Variants in LNX1 observed in about 807,000 individuals in gnomAD.
The protein encoded by LNX1 is E3 ubiquitin-protein ligase LNX.
A neutral mutation model predicts 68.4 loss-of-function variants in LNX1; 54 were observed. That is an observed-to-expected ratio of 0.79 (90% CI 0.63 to 0.99). The LOEUF (loss-of-function observed/expected upper bound fraction) is 0.99, where lower values mean the gene tolerates loss of function less well. LNX1 is among the 50% of genes least tolerant of loss of function. LNX1 has a pLI of 0.00. For synonymous variants in LNX1, 336 were observed against 350.0 expected (o/e 0.96, Z 0.45); for missense variants, 906 against 926.4 (o/e 0.98, Z 0.29).
At chr4:53,620,257 TG>T (rs1308376035), upstream of LNX1, among the ~76,000 whole-genome samples, 26 of 152,208 alleles carry the variant, frequency 1.7e-4, no homozygotes, top group African/African-American at 6.0e-4. Flanking sequence ...TTTGCATTTC[TG>T]ATATGTTCAC....
intron 1 of LNX1, among the ~76,000 whole-genome samples, chr4:53,628,524 C>T (rs1266225756): frequency 6.6e-6 from 1 of 152,098 alleles, no homozygotes; most frequent in African/African-American, 2.4e-5. Flanking sequence ...AAGGGGAATG[C>T]TGGCTGGAAT....
intron 1 of LNX1, among the ~76,000 whole-genome samples, chr4:53,638,642 C>T (rs376695899): frequency 9.9e-5 from 15 of 152,216 alleles, no homozygotes; most frequent in Admixed American, 4.6e-4. Context: ...AAAATGGCCC[C>T]GAAGCATAAT....
intron 2 of LNX1, among the ~76,000 whole-genome samples, chr4:53,559,774 A>G (rs1288761303): frequency 6.6e-6 from 1 of 151,708 alleles, no homozygotes; most frequent in Non-Finnish European, 1.5e-5. Flanking sequence ...CAGCCTCCCA[A>G]GTAGCTGGGA....
At chr4:53,479,408 T>C (rs1316055203) in intron 7 of LNX1, among the ~76,000 whole-genome samples, 1 of 152,222 alleles carries the variant, frequency 6.6e-6, no homozygotes, top group Non-Finnish European at 1.5e-5. Context: ...GAGCAAGAGA[T>C]GTTTAGTTGT....
chr4:53,515,516 C>G (rs916184250), intron 2 of LNX1, among the ~76,000 whole-genome samples: 54 of 137,330 alleles, frequency 3.9e-4, no homozygotes, highest in African/African-American at 1.4e-3. Flanking sequence ...GGCCCCCACC[C>G]CACCAAAAAA....
intron 7 of LNX1, among the ~76,000 whole-genome samples, chr4:53,479,999 A>G (rs1723812514): frequency 6.6e-6 from 1 of 152,330 alleles, no homozygotes; most frequent in East Asian, 1.9e-4. Flanking sequence ...GATGCCTAGC[A>G]TTCCTTAACT....
chr4:53,518,609 G>A (rs1726968170), intron 2 of LNX1, among the ~76,000 whole-genome samples: 1 of 152,122 alleles, frequency 6.6e-6, no homozygotes, highest in South Asian at 2.1e-4. Flanking sequence ...CCTATGAGGA[G>A]GGTCCTATTA....
At chr4:53,471,574 A>C (rs559411305) in intron 9 of LNX1, among the ~76,000 whole-genome samples, 4 of 152,278 alleles carry the variant, frequency 2.6e-5, no homozygotes, top group Admixed American at 1.3e-4. Context: ...ATGGGAGAAC[A>C]TTTTTGCAAT....
At chr4:53,483,155 T>C (rs935585482) in intron 6 of LNX1, among the ~76,000 whole-genome samples, 3 of 152,278 alleles carry the variant, frequency 2.0e-5, no homozygotes, top group African/African-American at 4.8e-5. Context: ...GTTCTCGAGA[T>C]AGTAAGTCTC....
At chr4:53,493,505 A>C (rs1724845082) in intron 6 of LNX1, among the ~76,000 whole-genome samples, 1 of 152,210 alleles carries the variant, frequency 6.6e-6, no homozygotes, top group African/African-American at 2.4e-5. Context: ...CTACAATGAC[A>C]GTAATACCAT....
At chr4:53,571,710 T>G (rs138909330) in intron 2 of LNX1, among the ~76,000 whole-genome samples, 1 of 152,248 alleles carries the variant, frequency 6.6e-6, no homozygotes, top group African/African-American at 2.4e-5. Context: ...TCACTTAGGC[T>G]GGAGTGCAGT....
intron 2 of LNX1, among the ~76,000 whole-genome samples, chr4:53,556,855 C>T (rs1729948277): frequency 6.6e-6 from 1 of 152,332 alleles, no homozygotes; most frequent in Non-Finnish European, 1.5e-5. Context: ...GTAGCACTAT[C>T]TAATGTGACC....
intron 2 of LNX1, among the ~76,000 whole-genome samples, chr4:53,600,882 C>A (rs1360502913): frequency 6.7e-6 from 1 of 150,304 alleles, no homozygotes; most frequent in African/African-American, 2.4e-5. Flanking sequence ...AGGTGCCCAC[C>A]ACCACACCTG....
chr4:53,503,009 C>A (rs368890952), intron 4 of LNX1, among the ~76,000 whole-genome samples: 183 of 151,798 alleles, frequency 1.2e-3, no homozygotes, highest in African/African-American at 4.1e-3. Context: ...CGGCTCACTG[C>A]AAGCTCCGCC....
intron 1 of LNX1, chr4:53,617,197 G>C (rs1251206666): frequency 7.0e-6 from 1 of 142,546 alleles, no homozygotes; most frequent in Non-Finnish European, 1.6e-5. Context: ...CTAGTACCTA[G>C]TCTAATAATA....
Position 53,589,667 on chromosome 4 carries a change from C to G in LNX1, c.-87+1721G>C, listed in dbSNP as rs183529775. On this transcript the variant is annotated intron_variant, in intron 1 of 10. Transcript: ENST00000263925. The stretch of plus-strand genomic sequence containing the variant: ...CTGAAAGTCAGAGAAGTAACTTGCT[C>G]AAGGATATAAATGAAGGAGATTGCA... 2.6e-3 allele frequency among the ~76,000 whole-genome samples: 390 copies of G among 152,298 alleles called. 1 individual carries two copies. The highest frequency in any genetic ancestry group is 8.6e-3 in the African/African-American group (358 of 41,576).
chr4:53,622,012 C>T (rs1733900081), upstream of LNX1, among the ~76,000 whole-genome samples: 1 of 151,936 alleles, frequency 6.6e-6, no homozygotes, highest in African/African-American at 2.4e-5. Flanking sequence ...GTGCAGAGGC[C>T]CCTTTGGAAA....
chr4:53,626,780 G>A (rs1381626823), intron 1 of LNX1, among the ~76,000 whole-genome samples: 1 of 142,240 alleles, frequency 7.0e-6, no homozygotes, highest in Non-Finnish European at 1.6e-5. Flanking sequence ...TTTCTTAAGG[G>A]TTTCAGAAAA....
chr4:53,466,706 G>A (rs373157133), intron 9 of LNX1, among the ~76,000 whole-genome samples: 4 of 152,334 alleles, frequency 2.6e-5, no homozygotes, highest in Non-Finnish European at 4.4e-5. Flanking sequence ...CACCTGGCTC[G>A]GAGGGTCCTA....
Sources: allele counts gnomAD v4.1 joint callset (sites outside exome capture counted in the v4.1 genomes callset), GRCh38; gene constraint gnomAD v4.1.1; transcripts MANE v1.5; gene names NCBI Gene and HGNC (gene_info 2026-07-23, HGNC 2026-07-21).